NOP14: variants seen among roughly 807,000 people sequenced by gnomAD.
NOP14 encodes the protein NOP14 nucleolar protein.
Under a neutral mutation model 101.6 loss-of-function variants are expected in NOP14, and 57 were observed. The observed-to-expected ratio is 0.56, with a 90% CI of 0.45 to 0.70. The LOEUF (loss-of-function observed/expected upper bound fraction) is 0.70. Ranked by LOEUF, NOP14 falls within the 30% of genes least tolerant of loss-of-function variation. The pLI is 0.00. For missense variants in NOP14, 1,134 were observed against 1,075.5 expected (o/e 1.05, Z -0.76); for synonymous variants, 428 against 424.0 (o/e 1.01, Z -0.12).
intron 10 of NOP14, chr4:2,946,951 T>A (rs1337219644): frequency 4.2e-6 from 1 of 239,442 alleles, no homozygotes; most frequent in Non-Finnish European, 8.2e-6. Flanking sequence ...GAAGCTGGTG[T>A]GCACTCTCAT....
At chr4:2,956,853 A>T in intron 2 of NOP14, 42 bp from the exon 3 acceptor site, 1 of 1,504,950 alleles carries the variant, frequency 6.6e-7, no homozygotes, top group Non-Finnish European at 8.9e-7. Context: ...TACCACTTCC[A>T]TTTCACAGCA....
chr4:2,949,828 TC>T, intron 8 of NOP14, 105 bp downstream of exon 8: 6 of 1,319,918 alleles, frequency 4.5e-6, no homozygotes, highest in Non-Finnish European at 4.3e-6. Flanking sequence ...GCATCCTTGG[TC>T]CCCATTCCAC....
intron 1 of NOP14, 93 bp downstream of exon 1, chr4:2,963,032 G>A: frequency 1.5e-6 from 2 of 1,306,850 alleles, no homozygotes; most frequent in Non-Finnish European, 2.0e-6. Context: ...GCCGCTCAAC[G>A]AGGAAACCGA....
intron 2 of NOP14, 116 bp downstream of exon 2, chr4:2,957,490 C>T (rs1715427652): frequency 1.6e-6 from 2 of 1,250,944 alleles, no homozygotes; most frequent in East Asian, 4.6e-5. Flanking sequence ...GAGGGCTATC[C>T]CCTGGACCTT....
chr4:2,947,171 T>C (rs532405242), intron 10 of NOP14: 2 of 307,056 alleles, frequency 6.5e-6, no homozygotes, highest in Non-Finnish European at 1.2e-5. Flanking sequence ...CACTGAAGGG[T>C]GAGGGGCGGG....
In NOP14 at chr4:2,951,572, T is replaced by G. The variant is rs183429009; in HGVS notation, c.871-327A>C. 1.1e-3 allele frequency among the ~76,000 whole-genome samples: 165 copies of G among 151,584 alleles called. 1 individual carries two copies. Among genetic ancestry groups the G allele is most frequent in the Admixed American group, 3.7e-3 (56 of 15,206 alleles). On this transcript the variant is annotated intron_variant, in intron 6 of 17. Transcript: ENST00000416614. ...CTCATCACCCCCTGCACCGAGAGAA[T>G]AGGAGCCAGGACGCCAAGAGCAAGC...
intron 1 of NOP14, 120 bp from the exon 2 acceptor site, chr4:2,957,860 C>A: frequency 1.0e-6 from 1 of 990,368 alleles, no homozygotes; most frequent in Non-Finnish European, 1.4e-6. Context: ...AAGTTCACAC[C>A]CAATCTGCTT....
chr4:2,953,497 T>G lies in NOP14; in HGVS notation c.747+14A>C, dbSNP rs765957072. Reference sequence around the variant, plus strand: ...TCAGTGAGTGAAGAGTTTGTTTCAGTACTTGGCTCCCACCTTGGGTTTTTC... The same window carrying G: ...TCAGTGAGTGAAGAGTTTGTTTCAGGACTTGGCTCCCACCTTGGGTTTTTC... On this transcript the variant is annotated intron_variant, in intron 5 of 17. Coordinates refer to ENST00000416614, the MANE Select transcript of NOP14 (RefSeq NM_001291978.2). The G allele has an allele frequency of 2.5e-6, 4 of 1,613,840 alleles. No homozygotes were observed. Among genetic ancestry groups the G allele is most frequent in the Non-Finnish European group, 1.7e-6 (2 of 1,179,880 alleles).
Position 2,939,662 on chromosome 4 carries a change from C to T in NOP14, c.2200-17G>A. On this transcript the variant is annotated splice_polypyrimidine_tract_variant and intron_variant, in intron 15 of 17. Transcript: ENST00000416614. ...ACACAGCTCCTGAAAAACACGAAATCCCCGACTCTGCGATGACTCACCTGC... is the reference window on the plus strand; with the variant it reads ...ACACAGCTCCTGAAAAACACGAAATTCCCGACTCTGCGATGACTCACCTGC... The T allele has an allele frequency of 1.3e-6, 2 of 1,590,888 alleles. No individual in the cohort carries two copies. Among genetic ancestry groups the T allele is most frequent in the Non-Finnish European group, 1.7e-6 (2 of 1,159,240 alleles).
intron 1 of NOP14, among the ~76,000 whole-genome samples, chr4:2,960,742 ATTAATATTATAAT>A (rs1715710862): frequency 3.2e-5 from 4 of 126,906 alleles, no homozygotes; most frequent in Non-Finnish European, 4.9e-5. Flanking sequence ...ATATTAATAT[ATTAATATTATAAT>A]CACATTAATA....
Position 2,949,917 on chromosome 4 carries a change from C to T in NOP14, c.1282+17G>A, listed in dbSNP as rs1187257244. On this transcript the variant is annotated intron_variant, in intron 8 of 17. Coordinates refer to ENST00000416614, the MANE Select transcript of NOP14 (RefSeq NM_001291978.2). ...AAGGTTATCCCAGAACCTGAGGAAA[C>T]CCGCGCACTTGCCCACCTGCGAACG... 1 of 1,613,796 alleles carries T rather than the reference C, an allele frequency of 6.2e-7. No individual in the cohort carries two copies. The highest frequency in any genetic ancestry group is 1.7e-5 in the Admixed American group (1 of 60,000).
intron 8 of NOP14, among the ~76,000 whole-genome samples, chr4:2,948,744 C>T (rs542253395): frequency 2.0e-5 from 3 of 152,276 alleles, no homozygotes; most frequent in East Asian, 1.9e-4. Flanking sequence ...CATGAGCCAC[C>T]GCACCTGGCC....
In NOP14 at chr4:2,956,905, T is replaced by C. The variant is rs924978968; in HGVS notation, c.331-94A>G. On this transcript the variant is annotated intron_variant, in intron 2 of 17. Transcript: ENST00000416614. ...GTAGATATATATATTTCCATTATAT[T>C]TGAAATATGACAACGAATCCTAAGC... The C allele has an allele frequency of 1.1e-5, 12 of 1,116,280 alleles. 1 individual carries two copies. The highest frequency in any genetic ancestry group is 5.6e-5 in the Admixed American group (2 of 35,756). The allele number at this position is 1,116,280 out of a possible 1,614,324, so 69.1% of individuals were successfully genotyped here.
Position 2,946,520 on chromosome 4 carries a change from A to C in NOP14, c.1527T>G (p.Phe509Leu). The C allele has an allele frequency of 1.2e-6, 2 of 1,614,200 alleles. No individual in the cohort carries two copies. The highest frequency in any genetic ancestry group is 1.7e-6 in the Non-Finnish European group (2 of 1,179,982). Residue 509 changes from phenylalanine to leucine, a missense_variant, in exon 11 of 18, where the codon TTT (phenylalanine) becomes TTG (leucine). Transcript: ENST00000416614. ...VVHLYHLCQM[F>L]PESASDAIKF... ...TGATAGCGTCACTTGCAGATTCAGG[A>C]AACATCTGGCAAAGATGATATAAGT...
chr4:2,959,680 T>C (rs959847372), intron 1 of NOP14, among the ~76,000 whole-genome samples: 2 of 152,194 alleles, frequency 1.3e-5, no homozygotes, highest in East Asian at 3.9e-4. Flanking sequence ...TGTCCCCAGA[T>C]AGACCAGAGG....
intron 11 of NOP14, among the ~76,000 whole-genome samples, chr4:2,945,648 G>C (rs940938125): frequency 1.3e-5 from 2 of 152,154 alleles, no homozygotes; most frequent in Non-Finnish European, 2.9e-5. Flanking sequence ...TACAGCATGA[G>C]GCTGTTATAA....
chr4:2,944,411 AT>A (rs111517923), intron 12 of NOP14, among the ~76,000 whole-genome samples, 185 bp from the exon 13 acceptor site: 2 of 151,356 alleles, frequency 1.3e-5, no homozygotes, highest in African/African-American at 2.4e-5. Flanking sequence ...AGCTTTAGTG[AT>A]TTTTTTTTCC....
chr4:2,959,986 T>TTA, intron 1 of NOP14, among the ~76,000 whole-genome samples: 1 of 150,858 alleles, frequency 6.6e-6, no homozygotes, highest in Admixed American at 6.6e-5. Context: ...TTTTTTTTTT[T>TTA]AAAGATGGAA....
intron 1 of NOP14, 77 bp from the exon 2 acceptor site, chr4:2,957,817 C>T: frequency 6.7e-7 from 1 of 1,486,384 alleles, no homozygotes. Context: ...ACAGTGCATA[C>T]TTTAAAGTTC....
Sources: gnomAD v4.1 joint callset for allele counts (sites outside exome capture counted in the v4.1 genomes callset) on GRCh38, gnomAD v4.1.1 for gene constraint, MANE v1.5 for transcripts, NCBI Gene and HGNC (gene_info 2026-07-23, HGNC 2026-07-21) for gene names.